Variants in PDXK observed in about 807,000 individuals in gnomAD.
The protein encoded by PDXK is pyridoxal kinase.
PDXK carries 15 observed loss-of-function variants against 43.2 expected under a neutral mutation model. The ratio of observed to expected loss-of-function variants is 0.35; its 90% CI spans 0.23 to 0.53. The LOEUF is 0.53. PDXK is among the 20% of genes least tolerant of loss of function. The pLI is 0.92. For missense variants in PDXK, 343 were observed against 417.0 expected, an observed-to-expected ratio of 0.82 and a Z score of 1.54; for synonymous variants, 172 against 165.4, an observed-to-expected ratio of 1.04 and a Z score of -0.31.
At chr21:43,736,951 T>G in intron 2 of PDXK, 1 of 700,826 alleles carries the variant, frequency 1.4e-6, no homozygotes, top group South Asian at 1.5e-5. Context: ...TTTTCTTTTT[T>G]AGAGACAAGG....
At position 43,741,764 on chromosome 21, in the gene PDXK, G is replaced by A; in HGVS notation, c.240G>A (p.Val80=). The A allele has an allele frequency of 1.2e-6, 2 of 1,603,028 alleles. No homozygotes were observed. The highest frequency in any genetic ancestry group is 1.7e-5 in the Admixed American group (1 of 59,954). ...RLNNMNKYDY[V]LTGYTRDKSF... is the part of the protein sequence containing the mutation. ...ACAACATGAATAAATATGACTACGT[G>A]CTCACAGGTAGGTGCCGGAGCAAGC... Residue 80 remains valine (V), a synonymous_variant, in exon 3 of 11, where the codon GTG becomes GTA. Transcript: ENST00000291565.
At chr21:43,750,961 C>CGT (rs2083737733) in intron 7 of PDXK, among the ~76,000 whole-genome samples, 8 of 35,310 alleles carry the variant, frequency 2.3e-4, no homozygotes, top group African/African-American at 5.2e-4. Flanking sequence ...CATGTGTGTG[C>CGT]ATGTGTGTGT....
intron 4 of PDXK, among the ~76,000 whole-genome samples, chr21:43,745,456 C>T (rs1223619563): frequency 6.6e-6 from 1 of 150,942 alleles, no homozygotes; most frequent in African/African-American, 2.4e-5. Flanking sequence ...CTAGACGTTA[C>T]CAGGGCCTAA....
intron 4 of PDXK, among the ~76,000 whole-genome samples, chr21:43,745,097 G>A (rs915839453): frequency 1.3e-5 from 2 of 152,072 alleles, no homozygotes; most frequent in East Asian, 1.9e-4. Flanking sequence ...GGCTCGTCGC[G>A]GCTGGGAAAG....
chr21:43,730,639 T>C (rs2083306131), intron 1 of PDXK, among the ~76,000 whole-genome samples: 1 of 152,174 alleles, frequency 6.6e-6, no homozygotes, highest in Non-Finnish European at 1.5e-5. Flanking sequence ...GGCTACAATA[T>C]ATATTATGTT....
At chr21:43,752,814 A>G (rs1187668841) in intron 8 of PDXK, among the ~76,000 whole-genome samples, 185 bp downstream of exon 8, 1 of 152,172 alleles carries the variant, frequency 6.6e-6, no homozygotes, top group Admixed American at 6.5e-5. Flanking sequence ...ACAGGTCACG[A>G]TGAATGGCCT....
At chr21:43,739,863 G>A (rs2083463558) in intron 2 of PDXK, among the ~76,000 whole-genome samples, 1 of 151,784 alleles carries the variant, frequency 6.6e-6, no homozygotes, top group African/African-American at 2.4e-5. Context: ...AGGACCAGGA[G>A]GGACCATTGC....
Position 43,735,945 on chromosome 21 carries a change from C to A in PDXK, c.142+1822C>A, listed in dbSNP as rs1164761390. Among the ~76,000 whole-genome samples the A allele has an allele frequency of 6.6e-6, 1 of 152,158 alleles. No homozygotes were observed. The highest frequency in any genetic ancestry group is 1.5e-5 in the Non-Finnish European group (1 of 68,022). On this transcript the variant is annotated intron_variant, in intron 2 of 10. Coordinates refer to ENST00000291565, the MANE Select transcript of PDXK (RefSeq NM_003681.5). This position sits in a 1 kb window ranked among gnomAD's most constrained non-coding sequence, Gnocchi z 5.3. ...GTGAGGCTGGTGCATCGTGTACCTG[C>A]CCTGGGTGCCACGGGAGCTGGTGGT... is the stretch of plus-strand genomic sequence containing the variant.
At chr21:43,755,428 G>A (rs969820751) in intron 9 of PDXK, 14 of 506,356 alleles carry the variant, frequency 2.8e-5, no homozygotes, top group Non-Finnish European at 1.1e-5. Flanking sequence ...CAAGTTCTAT[G>A]CAGGTCACGA....
intron 2 of PDXK, among the ~76,000 whole-genome samples, chr21:43,739,392 G>A (rs1352014004): frequency 1.3e-5 from 2 of 152,254 alleles, no homozygotes; most frequent in East Asian, 3.9e-4. Context: ...ATACACCATG[G>A]GTGGTGTTGA....
chr21:43,719,211 CGAGCCCGAGCCGAGCCG>C lies in PDXK; in HGVS notation c.-73_-57del, dbSNP rs2083185931. The C allele has an allele frequency of 9.5e-6, 7 of 733,484 alleles. 1 individual carries two copies. The South Asian group carries it at 3.2e-4, about 33-fold the overall frequency. 45.4% of individuals were successfully genotyped at this position (733,484 alleles called of 1,614,324 possible). ...GCCGAGGGGAGCCGGGGCCGGAGCC[CGAGCCCGAGCCGAGCCG>C]GAGCCCGAGCGAGCGGCGGAGACCG... On this transcript the variant is annotated 5_prime_UTR_variant, in exon 1 of 11. Transcript: ENST00000291565.
chr21:43,728,199 G>C (rs1244713607), intron 1 of PDXK, among the ~76,000 whole-genome samples: 1 of 152,174 alleles, frequency 6.6e-6, no homozygotes, highest in East Asian at 1.9e-4. Flanking sequence ...AGTTCCCCCT[G>C]GGAGTTTGTA....
intron 2 of PDXK, 104 bp from the exon 3 acceptor site, chr21:43,741,563 C>G (rs763012317): frequency 1.3e-5 from 20 of 1,539,390 alleles, no homozygotes; most frequent in South Asian, 3.7e-5. Flanking sequence ...GGGGAGGAGC[C>G]GTCCACCAGG....
intron 9 of PDXK, 145 bp from the exon 10 acceptor site, chr21:43,755,553 A>T: frequency 2.7e-6 from 2 of 727,548 alleles, no homozygotes; most frequent in Admixed American, 3.9e-5. Context: ...TCCAGGGTTC[A>T]GCACGTGCAT....
intron 1 of PDXK, among the ~76,000 whole-genome samples, chr21:43,731,266 G>A (rs903144403): frequency 9.2e-5 from 14 of 152,174 alleles, no homozygotes; most frequent in Admixed American, 7.2e-4. Flanking sequence ...TCCAATCTCT[G>A]ATTTTTCCTT....
chr21:43,733,131 C>T (rs1169352366), intron 1 of PDXK, among the ~76,000 whole-genome samples: 6 of 152,142 alleles, frequency 3.9e-5, no homozygotes, highest in African/African-American at 1.4e-4. Context: ...ATAATACCGG[C>T]TTCAAAGAAA....
intron 1 of PDXK, among the ~76,000 whole-genome samples, chr21:43,731,419 A>G (rs2083316355): frequency 6.6e-6 from 1 of 152,230 alleles, no homozygotes; most frequent in Non-Finnish European, 1.5e-5. Flanking sequence ...CCCGAGGGTG[A>G]GCGGGGTCCC....
intron 1 of PDXK, among the ~76,000 whole-genome samples, chr21:43,731,212 C>G (rs772343274): frequency 6.6e-6 from 1 of 152,208 alleles, no homozygotes; most frequent in South Asian, 2.1e-4. Context: ...GTGGCCCAAT[C>G]CATCTTCAAA....
At chr21:43,752,872 G>A (rs1441810237) in intron 8 of PDXK, among the ~76,000 whole-genome samples, 1 of 152,188 alleles carries the variant, frequency 6.6e-6, no homozygotes, top group Non-Finnish European at 1.5e-5. Flanking sequence ...CTCCCTCAGA[G>A]CCAGGCGGGG....
Sources: gnomAD v4.1 joint callset for allele counts (sites outside exome capture counted in the v4.1 genomes callset) on GRCh38, gnomAD v4.1.1 for gene constraint, Gnocchi (gnomAD v3.1) non-coding constraint, MANE v1.5 for transcripts, NCBI Gene and HGNC (gene_info 2026-07-23, HGNC 2026-07-21) for gene names.